The following PLAG1 variants were observed in gnomAD, a reference collection of about 807,000 sequenced individuals.
PLAG1 encodes PLAG1 zinc finger, also known as zinc finger protein PLAG1.
Under a neutral mutation model 35.5 loss-of-function variants are expected in PLAG1, and 7 were observed. The ratio of observed to expected loss-of-function variants is 0.20; its 90% CI spans 0.11 to 0.37. PLAG1 has a LOEUF of 0.37. Ranked by LOEUF, PLAG1 falls within the 10% of genes least tolerant of loss-of-function variation. The pLI, the probability that PLAG1 is intolerant of heterozygous loss-of-function variation, is 1.00. For synonymous variants in PLAG1, 229 were observed against 225.4 expected (o/e 1.02, Z -0.14); for missense variants, 454 against 602.8 (o/e 0.75, Z 2.58).
intron 1 of PLAG1, chr8:56,209,479 T>A (rs1281057694): frequency 6.6e-6 from 1 of 152,310 alleles, no homozygotes; most frequent in African/African-American, 2.4e-5. Flanking sequence ...CCTCAGACAG[T>A]GATTCTGTGT....
intron 1 of PLAG1, among the ~76,000 whole-genome samples, chr8:56,187,617 A>G (rs1277023511): frequency 6.6e-6 from 1 of 152,206 alleles, no homozygotes; most frequent in South Asian, 2.1e-4. Context: ...ACTCAGAAGT[A>G]AGTGCTGCCC....
chr8:56,180,445 T>G (rs1017987577), intron 1 of PLAG1, among the ~76,000 whole-genome samples: 1 of 152,236 alleles, frequency 6.6e-6, no homozygotes, highest in Non-Finnish European at 1.5e-5. Context: ...ATATACCTTT[T>G]GTCGTGGAGA....
intron 1 of PLAG1, among the ~76,000 whole-genome samples, chr8:56,206,683 C>A (rs1168405751): frequency 6.6e-6 from 1 of 151,944 alleles, no homozygotes; most frequent in Non-Finnish European, 1.5e-5. Flanking sequence ...TAAACACTTA[C>A]TAATTGGTTA....
intron 1 of PLAG1, among the ~76,000 whole-genome samples, chr8:56,180,317 T>A (rs1329948789): frequency 1.3e-5 from 2 of 152,200 alleles, no homozygotes; most frequent in Non-Finnish European, 2.9e-5. Context: ...TATCTGACAC[T>A]GATGGAATAA....
intron 1 of PLAG1, among the ~76,000 whole-genome samples, chr8:56,180,909 C>T (rs991325710): frequency 7.2e-5 from 11 of 152,178 alleles, no homozygotes; most frequent in Non-Finnish European, 1.2e-4. Flanking sequence ...TGAACAGACA[C>T]TTCTCAAAAG....
chr8:56,196,951 CGTGTGTGTGTGTGT>C (rs10534078), intron 1 of PLAG1, among the ~76,000 whole-genome samples: 1 of 142,962 alleles, frequency 7.0e-6, no homozygotes, highest in Admixed American at 6.8e-5. Flanking sequence ...CCCTAGTGTG[CGTGTGTGTGTGTGT>C]GTGTGTGTGT....
chr8:56,196,945 AGTGTGCGTGTGTGT>A (rs1563391336), intron 1 of PLAG1, among the ~76,000 whole-genome samples: 2 of 84,110 alleles, frequency 2.4e-5, no homozygotes, highest in African/African-American at 4.1e-5. Flanking sequence ...CTCCCTCCCT[AGTGTGCGTGTGTGT>A]GTGTGTGTGT....
In PLAG1 at chr8:56,162,364, T is replaced by C. The variant is rs1327791539; in HGVS notation, c.*3879A>G. On this transcript the variant is annotated 3_prime_UTR_variant, in exon 5 of 5. Transcript: ENST00000316981. ...TGTGCTTTGAGACACGTAAACCTTG[T>C]AAAAAAATAAACCATTGTAAAACCT... is the stretch of plus-strand genomic sequence containing the variant. The C allele has an allele frequency of 9.0e-6, 2 of 222,708 alleles. No homozygotes were observed. Among genetic ancestry groups the C allele is most frequent in the African/African-American group, 4.5e-5 (2 of 44,788 alleles). 13.8% of individuals were successfully genotyped at this position (222,708 alleles called of 1,614,324 possible). A position where few individuals can be genotyped will look rare whatever the true frequency, so the allele number is the denominator to read the frequency against.
intron 1 of PLAG1, among the ~76,000 whole-genome samples, chr8:56,205,385 A>C (rs2129235535): frequency 6.6e-6 from 1 of 152,004 alleles, no homozygotes; most frequent in African/African-American, 2.4e-5. Context: ...TATTCTTAGA[A>C]TTTAATTTAG....
At chr8:56,170,719 TA>T (rs1377560248) in intron 3 of PLAG1, among the ~76,000 whole-genome samples, 2 of 152,172 alleles carry the variant, frequency 1.3e-5, no homozygotes, top group East Asian at 3.9e-4. Context: ...TCTAAGTTAT[TA>T]AAAAAAATTA....
chr8:56,172,874 A>G (rs1343067427), intron 2 of PLAG1, among the ~76,000 whole-genome samples: 1 of 152,238 alleles, frequency 6.6e-6, no homozygotes, highest in Non-Finnish European at 1.5e-5. Flanking sequence ...AAAAGGAAAT[A>G]AATTTAAGAC....
rs1047535811 is a variant in PLAG1 at position 56,163,493 on chromosome 8, A to C, written c.*2750T>G. ...AGTGACCACTACAGTCAATTTTAAAAACAAATTAGCTGAATTCCCTCTTAC... is the reference window on the plus strand; with the variant it reads ...AGTGACCACTACAGTCAATTTTAAACACAAATTAGCTGAATTCCCTCTTAC... On this transcript the variant is annotated 3_prime_UTR_variant, in exon 5 of 5. Transcript: ENST00000316981. The C allele has an allele frequency of 1.0e-5, 2 of 199,478 alleles. No homozygotes were observed. Among genetic ancestry groups the C allele is most frequent in the African/African-American group, 4.6e-5 (2 of 43,354 alleles). The allele number at this position is 199,478 out of a possible 1,614,324, so 12.4% of individuals were successfully genotyped here.
At chr8:56,173,691 T>G (rs1458248862) in intron 2 of PLAG1, among the ~76,000 whole-genome samples, 1 of 152,040 alleles carries the variant, frequency 6.6e-6, no homozygotes, top group Non-Finnish European at 1.5e-5. Context: ...AGAAAATACA[T>G]ACACCCATTT....
At chr8:56,192,993 A>G (rs1563388629) in intron 1 of PLAG1, among the ~76,000 whole-genome samples, 1 of 152,270 alleles carries the variant, frequency 6.6e-6, no homozygotes, top group Non-Finnish European at 1.5e-5. Context: ...TTTAAGAAAT[A>G]TAACAGCTAA....
At chr8:56,198,953 T>A (rs1002031628) in intron 1 of PLAG1, among the ~76,000 whole-genome samples, 1 of 152,096 alleles carries the variant, frequency 6.6e-6, no homozygotes, top group Non-Finnish European at 1.5e-5. Context: ...ATGAATAAGA[T>A]ATAAAAGGAA....
In PLAG1 at chr8:56,180,370, T is replaced by C. The variant is rs558019700; in HGVS notation, c.-321-857A>G. 9.8e-5 allele frequency among the ~76,000 whole-genome samples: 15 copies of C among 152,352 alleles called. 1 individual carries two copies. In the South Asian group the frequency reaches 2.9e-3, roughly 29 times the overall value. ...TATGTATGGTTCCAGTCTGAGTTAC[T>C]GTGGGTATAGACTGACATGATCCCT... On this transcript the variant is annotated intron_variant, in intron 1 of 4. Coordinates refer to ENST00000316981, the MANE Select transcript of PLAG1 (RefSeq NM_002655.3).
rs184562265 is a variant in PLAG1, at chr8:56,207,951, T to C, written c.-322+3170A>G. 1.5e-4 allele frequency among the ~76,000 whole-genome samples: 23 copies of C among 152,132 alleles called. 1 individual carries two copies. Among genetic ancestry groups the C allele is most frequent in the Admixed American group, 2.6e-4 (4 of 15,288 alleles). The stretch of plus-strand genomic sequence containing the variant: ...ACATGAAGAAAGTTTTACACCACCC[T>C]ATATGAGAGGAAGAAAAAAAATCAC... On this transcript the variant is annotated intron_variant, in intron 1 of 4. Coordinates refer to ENST00000316981, the MANE Select transcript of PLAG1 (RefSeq NM_002655.3).
intron 1 of PLAG1, among the ~76,000 whole-genome samples, chr8:56,210,660 T>A (rs1269839128): frequency 6.6e-6 from 1 of 152,038 alleles, no homozygotes; most frequent in Non-Finnish European, 1.5e-5. Flanking sequence ...TGCGGAGAGT[T>A]TACTCTCAAA....
chr8:56,192,491 C>T (rs1018170613), intron 1 of PLAG1, among the ~76,000 whole-genome samples: 2 of 152,168 alleles, frequency 1.3e-5, no homozygotes, highest in South Asian at 2.1e-4. Context: ...AATCTTTATA[C>T]AATGTTACAT....
Sources: allele counts gnomAD v4.1 joint callset (sites outside exome capture counted in the v4.1 genomes callset), GRCh38; gene constraint gnomAD v4.1.1; transcripts MANE v1.5; gene names NCBI Gene and HGNC (gene_info 2026-07-23, HGNC 2026-07-21).